CLYBL: variants seen among roughly 807,000 people sequenced by gnomAD.
The protein encoded by CLYBL is citramalyl-CoA lyase, mitochondrial.
A neutral mutation model predicts 38.9 loss-of-function variants in CLYBL; 31 were observed. That is an observed-to-expected ratio of 0.80 (90% CI 0.60 to 1.08). The LOEUF (loss-of-function observed/expected upper bound fraction) is 1.08, where lower values mean the gene tolerates loss of function less well. Ranked by LOEUF, CLYBL falls within the 50% of genes least tolerant of loss-of-function variation. CLYBL has a pLI of 0.00. For synonymous variants in CLYBL, 171 were observed against 158.6 expected (o/e 1.08, Z -0.59); for missense variants, 434 against 411.6 (o/e 1.05, Z -0.47).
intron 2 of CLYBL, among the ~76,000 whole-genome samples, chr13:99,827,699 C>T (rs918329597): frequency 3.3e-5 from 5 of 152,228 alleles, no homozygotes; most frequent in Non-Finnish European, 5.9e-5. Context: ...GCATGCCGTG[C>T]AAAGCTTGCC....
chr13:99,861,072 CCTT>C lies in CLYBL; in HGVS notation c.439-1913_439-1911del, dbSNP rs1466801114. ...CCCCAATCTCTTTGTGATTTCTCCC[CCTT>C]CTTCTCCTCCCCCTACCCCAGTCCC... On this transcript the variant is annotated intron_variant, in intron 3 of 8. Coordinates refer to ENST00000339105, the MANE Select transcript of CLYBL (RefSeq NM_206808.5). Among the ~76,000 whole-genome samples the C allele has an allele frequency of 3.3e-5, 5 of 152,144 alleles. No homozygotes were observed. In the East Asian group the frequency reaches 7.7e-4, roughly 23 times the overall value.
intron 2 of CLYBL, among the ~76,000 whole-genome samples, chr13:99,835,314 G>A (rs1262723173): frequency 6.6e-6 from 1 of 152,210 alleles, no homozygotes; most frequent in Non-Finnish European, 1.5e-5. Flanking sequence ...TCCAAGGCAG[G>A]TGGGAAGTGC....
intron 1 of CLYBL, among the ~76,000 whole-genome samples, chr13:99,618,378 T>C (rs576222469): frequency 6.6e-6 from 1 of 152,208 alleles, no homozygotes; most frequent in Non-Finnish European, 1.5e-5. Context: ...CAAGCAACTC[T>C]CCTGCCTCTG....
chr13:99,867,663 G>A (rs944758925), intron 6 of CLYBL, among the ~76,000 whole-genome samples: 3 of 152,052 alleles, frequency 2.0e-5, no homozygotes, highest in Admixed American at 6.6e-5. Context: ...TCTTTCCAAC[G>A]GCTGGTTAGG....
At chr13:99,681,676 T>C (rs528680533) in intron 1 of CLYBL, among the ~76,000 whole-genome samples, 7 of 152,106 alleles carry the variant, frequency 4.6e-5, no homozygotes, top group Non-Finnish European at 8.8e-5. Flanking sequence ...AACCTCCACC[T>C]TCCGGGTTCA....
chr13:99,873,655 T>C (rs6491535), intron 7 of CLYBL, among the ~76,000 whole-genome samples: 58,043 of 145,470 alleles, frequency 0.4, 13,733 homozygotes, highest in African/African-American at 0.67. Context: ...AACATAAAGG[T>C]ATAGCTGAAG....
At chr13:99,859,913 GGGGCGAGTGGGCAGT>G (rs897759754) in intron 3 of CLYBL, among the ~76,000 whole-genome samples, 1 of 152,042 alleles carries the variant, frequency 6.6e-6, no homozygotes. Context: ...GTTTGTGGTC[GGGGCGAGTGGGCAGT>G]GGTGGTTTCA....
At position 99,679,475 on chromosome 13, in the gene CLYBL, C is replaced by T. The variant is rs146266372; in HGVS notation, c.62+72718C>T. On this transcript the variant is annotated intron_variant, in intron 1 of 8. Transcript: ENST00000339105. The stretch of plus-strand genomic sequence containing the variant: ...TAATGTGACCTTTTAGGGTATTCAG[C>T]GTCCATCTTCCTCACCCGGGGAATC... Among the ~76,000 whole-genome samples the T allele has an allele frequency of 6.7e-3, 1,013 of 152,154 alleles. 8 individuals are homozygous for T. The highest frequency in any genetic ancestry group is 0.012 in the Non-Finnish European group (823 of 67,996).
Position 99,819,465 on chromosome 13 carries a change from T to TAAAA in CLYBL, c.250-39395_250-39394insAAAA, listed in dbSNP as rs1555312486. On this transcript the variant is annotated intron_variant, in intron 2 of 8. Coordinates refer to ENST00000339105, the MANE Select transcript of CLYBL (RefSeq NM_206808.5). ...ATATATATATATATATATATATATA[T>TAAAA]ATAATATTTGTCAGGGTTGTCTGGG... 5.6e-4 allele frequency among the ~76,000 whole-genome samples: 33 copies of TAAAA among 58,752 alleles called. 1 individual carries two copies. Among genetic ancestry groups the TAAAA allele is most frequent in the African/African-American group, 2.2e-3 (31 of 13,810 alleles). The allele number at this position is 58,752 out of a possible 152,430, so 38.5% of individuals were successfully genotyped here. A position where few individuals can be genotyped will look rare whatever the true frequency, so the allele number is the denominator to read the frequency against.
chr13:99,650,679 G>A (rs761856162), intron 1 of CLYBL, among the ~76,000 whole-genome samples: 7 of 152,098 alleles, frequency 4.6e-5, no homozygotes, highest in Non-Finnish European at 1.0e-4. Context: ...GAAATCCTTG[G>A]AGTCATTCTT....
At chr13:99,862,288 TGTTTTTTTCCCCCTTTTGAAGAGGG>T in intron 3 of CLYBL, among the ~76,000 whole-genome samples, 1 of 152,188 alleles carries the variant, frequency 6.6e-6, no homozygotes, top group Non-Finnish European at 1.5e-5. Context: ...ATTTAGAGTG[TGTTTTTTTCCCCCTTTTGAAGAGGG>T]GGAGGAATCT....
intron 2 of CLYBL, among the ~76,000 whole-genome samples, chr13:99,788,800 G>T (rs2049854746): frequency 6.6e-6 from 1 of 152,156 alleles, no homozygotes; most frequent in Non-Finnish European, 1.5e-5. Context: ...TTGTACCTCT[G>T]GTAGAGTTTG....
At chr13:99,848,290 G>A (rs995773833) in intron 2 of CLYBL, among the ~76,000 whole-genome samples, 9 of 152,068 alleles carry the variant, frequency 5.9e-5, no homozygotes, top group African/African-American at 1.9e-4. Flanking sequence ...GGCTTTCATC[G>A]CCACAACTGG....
At chr13:99,680,226 A>G (rs563325994) in intron 1 of CLYBL, among the ~76,000 whole-genome samples, 90 of 152,226 alleles carry the variant, frequency 5.9e-4, no homozygotes, top group African/African-American at 2.1e-3. Flanking sequence ...TCTGACACCC[A>G]TTTTTAATTT....
intron 2 of CLYBL, among the ~76,000 whole-genome samples, chr13:99,812,378 T>C (rs1325062040): frequency 6.6e-6 from 1 of 152,180 alleles, no homozygotes; most frequent in Non-Finnish European, 1.5e-5. Flanking sequence ...ATGTTTGGGG[T>C]TACAGAATTA....
At chr13:99,760,399 C>G (rs1376193907) in intron 1 of CLYBL, among the ~76,000 whole-genome samples, 1 of 152,230 alleles carries the variant, frequency 6.6e-6, no homozygotes, top group African/African-American at 2.4e-5. Flanking sequence ...GTCCAAGTTA[C>G]TGACCAGCAT....
chr13:99,817,693 A>C (rs886113060), intron 2 of CLYBL, among the ~76,000 whole-genome samples: 93 of 150,654 alleles, frequency 6.2e-4, no homozygotes, highest in Non-Finnish European at 1.2e-3. Context: ...AAAGAAAAGC[A>C]CTGAGCTAAA....
At chr13:99,626,560 C>A (rs1239646112) in intron 1 of CLYBL, among the ~76,000 whole-genome samples, 1 of 152,180 alleles carries the variant, frequency 6.6e-6, no homozygotes, top group Non-Finnish European at 1.5e-5. Flanking sequence ...CGCTGTGAAA[C>A]CTAATTGGAA....
chr13:99,608,779 T>A (rs892512669), intron 1 of CLYBL, among the ~76,000 whole-genome samples: 3 of 151,976 alleles, frequency 2.0e-5, no homozygotes, highest in Non-Finnish European at 4.4e-5. Context: ...CGCACTGTCT[T>A]TTTGCCTCCA....
Sources: gnomAD v4.1 joint callset for allele counts (sites outside exome capture counted in the v4.1 genomes callset) on GRCh38, gnomAD v4.1.1 for gene constraint, MANE v1.5 for transcripts, NCBI Gene and HGNC (gene_info 2026-07-23, HGNC 2026-07-21) for gene names.